UNC5D: variants seen among roughly 807,000 people sequenced by gnomAD.
UNC5D encodes netrin receptor UNC5D.
A neutral mutation model predicts 105.4 loss-of-function variants in UNC5D; 39 were observed. The ratio of observed to expected loss-of-function variants is 0.37; its 90% CI spans 0.29 to 0.48. The LOEUF (loss-of-function observed/expected upper bound fraction) is 0.48, where lower values mean the gene tolerates loss of function less well. Ranked by LOEUF, UNC5D falls within the 20% of genes least tolerant of loss-of-function variation. The probability of loss-of-function intolerance (pLI) is 0.98; values close to 1 mark genes in which losing one functional copy is unlikely to be tolerated. For missense variants in UNC5D, 991 were observed against 1,202.4 expected, an observed-to-expected ratio of 0.82 and a Z score of 2.60; for synonymous variants, 452 against 450.4, an observed-to-expected ratio of 1.00 and a Z score of -0.04.
At chr8:35,592,349 T>C (rs1819223218) in intron 3 of UNC5D, among the ~76,000 whole-genome samples, 1 of 152,162 alleles carries the variant, frequency 6.6e-6, no homozygotes, top group Admixed American at 6.6e-5. Flanking sequence ...GGTTCTATGG[T>C]TTGTTTCCTT....
intron 1 of UNC5D, among the ~76,000 whole-genome samples, chr8:35,265,868 CATAATAATAATAATAATAATA>C (rs3991303): frequency 1.4e-5 from 2 of 142,512 alleles, no homozygotes; most frequent in Admixed American, 7.1e-5. Context: ...AGACTCGTCT[CATAATAATAATAATAATAATA>C]ATAATAATAA....
intron 1 of UNC5D, among the ~76,000 whole-genome samples, chr8:35,355,254 T>C (rs938559216): frequency 5.9e-5 from 9 of 152,086 alleles, no homozygotes; most frequent in African/African-American, 2.2e-4. Flanking sequence ...AAAGACTGTA[T>C]TGGGAAGTTT....
chr8:35,758,108 A>T (rs1486675555), intron 13 of UNC5D, among the ~76,000 whole-genome samples: 1 of 152,218 alleles, frequency 6.6e-6, no homozygotes, highest in Admixed American at 6.5e-5. Context: ...CCCACAAGCA[A>T]CACCAAAGAG....
At chr8:35,254,213 T>A (rs1474620611) in intron 1 of UNC5D, 1 of 152,222 alleles carries the variant, frequency 6.6e-6, no homozygotes, top group Admixed American at 6.5e-5. Context: ...ACAGTGTTTT[T>A]TACTTAATAG....
At chr8:35,482,884 C>T (rs1038171740) in intron 1 of UNC5D, among the ~76,000 whole-genome samples, 1 of 134,376 alleles carries the variant, frequency 7.4e-6, no homozygotes, top group Admixed American at 8.5e-5. Context: ...CTCACTGCAA[C>T]TTCTGCCTCC....
At chr8:35,630,805 G>A (rs1037237193) in intron 4 of UNC5D, among the ~76,000 whole-genome samples, 1 of 152,056 alleles carries the variant, frequency 6.6e-6, no homozygotes, top group Admixed American at 6.6e-5. Flanking sequence ...GGGTGGGGGG[G>A]AATAGGCCAG....
chr8:35,604,250 A>G (rs1404630734), intron 4 of UNC5D, among the ~76,000 whole-genome samples: 4 of 152,050 alleles, frequency 2.6e-5, no homozygotes, highest in Non-Finnish European at 4.4e-5. Flanking sequence ...TGGTGACAAA[A>G]TCTCTCAGCA....
At position 35,768,863 on chromosome 8, in the gene UNC5D, T is replaced by C. The variant is rs142851357; in HGVS notation, c.2478+1797T>C. On this transcript the variant is annotated intron_variant, in intron 15 of 16. Coordinates refer to ENST00000404895, the MANE Select transcript of UNC5D (RefSeq NM_080872.4). ...GGCAAGTATGAGAATAATATTTCAA[T>C]ATTTATTGTTAGGCTATAGTCATCC... Among the ~76,000 whole-genome samples the C allele has an allele frequency of 9.8e-5, 15 of 152,340 alleles. No individual in the cohort carries two copies. The East Asian group carries it at 2.7e-3, about 27-fold the overall frequency.
intron 1 of UNC5D, among the ~76,000 whole-genome samples, chr8:35,444,764 T>C (rs751232199): frequency 5.3e-5 from 8 of 151,980 alleles, no homozygotes; most frequent in Admixed American, 1.3e-4. Flanking sequence ...CACTTATGCT[T>C]CCTCTGAAAA....
Position 35,248,938 on chromosome 8 carries a change from ATATAT to A in UNC5D, c.103+13057_103+13061del, listed in dbSNP as rs1403257860. Among the ~76,000 whole-genome samples the A allele has an allele frequency of 5.3e-4, 50 of 94,938 alleles. No individual in the cohort carries two copies. In the East Asian group the frequency reaches 5.3e-3, roughly 10 times the overall value. The allele number at this position is 94,938 out of a possible 152,430, so 62.3% of individuals were successfully genotyped here. A position where few individuals can be genotyped will look rare whatever the true frequency, so the allele number is the denominator to read the frequency against. On this transcript the variant is annotated intron_variant, in intron 1 of 16. Transcript: ENST00000404895. ...TAAACATATATAATATAAATATATA[ATATAT>A]TATATATAAACATATATAATATATA...
intron 4 of UNC5D, among the ~76,000 whole-genome samples, chr8:35,629,139 A>G (rs1821874567): frequency 6.6e-6 from 1 of 152,152 alleles, no homozygotes. Flanking sequence ...CTCCCCACCT[A>G]AATAATGGCA....
chr8:35,774,716 G>A (rs535682961), intron 16 of UNC5D, among the ~76,000 whole-genome samples: 8 of 152,228 alleles, frequency 5.3e-5, no homozygotes, highest in Middle Eastern at 3.4e-3. Context: ...CAAATGGCTT[G>A]AGCCTAGAAG....
chr8:35,679,433 A>G (rs1293388953), intron 4 of UNC5D, among the ~76,000 whole-genome samples: 1 of 152,158 alleles, frequency 6.6e-6, no homozygotes, highest in Non-Finnish European at 1.5e-5. Flanking sequence ...AAAGTTCTTC[A>G]GGGCAGAGGA....
intron 1 of UNC5D, among the ~76,000 whole-genome samples, chr8:35,378,447 A>AT (rs1802831794): frequency 6.6e-6 from 1 of 152,126 alleles, no homozygotes; most frequent in Non-Finnish European, 1.5e-5. Context: ...TGCTTCAAGC[A>AT]TTTTTGCAAG....
chr8:35,260,307 T>C (rs1208456617), intron 1 of UNC5D, among the ~76,000 whole-genome samples: 1 of 152,094 alleles, frequency 6.6e-6, no homozygotes, highest in Non-Finnish European at 1.5e-5. Context: ...AAGCACCATA[T>C]TTTACCTAGT....
intron 9 of UNC5D, among the ~76,000 whole-genome samples, chr8:35,722,954 T>C (rs1401133665): frequency 6.6e-6 from 1 of 151,838 alleles, no homozygotes; most frequent in Non-Finnish European, 1.5e-5. Context: ...TCTTTAGTTG[T>C]GGGGGAAGGA....
intron 16 of UNC5D, among the ~76,000 whole-genome samples, chr8:35,778,637 G>T (rs1056449842): frequency 3.3e-5 from 5 of 152,154 alleles, no homozygotes; most frequent in Non-Finnish European, 7.3e-5. Context: ...TCTTGTGACT[G>T]CACTTTCGCC....
intron 1 of UNC5D, among the ~76,000 whole-genome samples, chr8:35,320,495 C>G (rs757297206): frequency 1.3e-4 from 20 of 152,204 alleles, no homozygotes; most frequent in Admixed American, 3.9e-4. Context: ...AAGGGGATCT[C>G]TACAGAATGT....
At chr8:35,579,388 T>C (rs546527983) in intron 3 of UNC5D, among the ~76,000 whole-genome samples, 13 of 152,282 alleles carry the variant, frequency 8.5e-5, no homozygotes, top group African/African-American at 3.1e-4. Flanking sequence ...ATATTGTCCA[T>C]TTCTTTGAAG....
Sources: gnomAD v4.1 joint callset for allele counts (sites outside exome capture counted in the v4.1 genomes callset) on GRCh38, gnomAD v4.1.1 for gene constraint, MANE v1.5 for transcripts, NCBI Gene and HGNC (gene_info 2026-07-23, HGNC 2026-07-21) for gene names.